ESRRG: variants seen among roughly 807,000 people sequenced by gnomAD.
ESRRG encodes the protein estrogen-related receptor gamma.
In ESRRG, 13 loss-of-function variants were observed where a neutral mutation model predicts 44.0. The ratio of observed to expected loss-of-function variants is 0.30; its 90% CI spans 0.19 to 0.47. ESRRG has a LOEUF of 0.47. ESRRG is among the 20% of genes least tolerant of loss of function. The pLI is 1.00. For synonymous variants in ESRRG, 215 were observed against 214.6 expected, an observed-to-expected ratio of 1.00 and a Z score of -0.02; for missense variants, 395 against 580.6, an observed-to-expected ratio of 0.68 and a Z score of 3.29.
intron 2 of ESRRG, among the ~76,000 whole-genome samples, chr1:216,676,489 G>A (rs1273459875): frequency 6.6e-6 from 1 of 152,080 alleles, no homozygotes; most frequent in Non-Finnish European, 1.5e-5. Context: ...AATTAAATTT[G>A]TCTAGAGCAG....
chr1:216,960,607 G>C (rs1042858409), intron 1 of ESRRG, among the ~76,000 whole-genome samples: 3 of 106,724 alleles, frequency 2.8e-5, no homozygotes, highest in Non-Finnish European at 6.9e-5. Flanking sequence ...TGTTTGTGGA[G>C]ACAGAGTCTC....
rs544353810 is a variant in ESRRG, at chr1:216,745,302, G to A, written c.-13-67811C>T. On this transcript the variant is annotated intron_variant, in intron 2 of 7. Transcript: ENST00000359162. ...AGCCTCCTAAATAGTTGGGACAACAGGCACACACCATCATGCACACCTATG... is the reference window on the plus strand; with the variant it reads ...AGCCTCCTAAATAGTTGGGACAACAAGCACACACCATCATGCACACCTATG... Among the ~76,000 whole-genome samples, 36 of 152,130 alleles carry A rather than the reference G, an allele frequency of 2.4e-4. 1 individual carries two copies. Among genetic ancestry groups the A allele is most frequent in the African/African-American group, 8.7e-4 (36 of 41,462 alleles).
chr1:216,833,189 ACCGTTCTGCAAGG>A (rs2095513348), intron 2 of ESRRG, among the ~76,000 whole-genome samples: 1 of 151,206 alleles, frequency 6.6e-6, no homozygotes, highest in Admixed American at 6.6e-5. Flanking sequence ...CTATGGATTG[ACCGTTCTGCAAGG>A]AAAATTGCAT....
chr1:217,104,157 C>G (rs930573902), intron 1 of ESRRG, among the ~76,000 whole-genome samples: 1 of 152,132 alleles, frequency 6.6e-6, no homozygotes, highest in African/African-American at 2.4e-5. Flanking sequence ...GTTCTTCCAC[C>G]TTTTACTAAA....
intron 2 of ESRRG, among the ~76,000 whole-genome samples, chr1:216,662,929 A>G (rs2151261043): frequency 6.6e-6 from 1 of 152,356 alleles, no homozygotes; most frequent in East Asian, 1.9e-4. Context: ...TGGTTTAGCC[A>G]TCTCTTGTCT....
chr1:216,540,231 C>T (rs1489768633), intron 5 of ESRRG, among the ~76,000 whole-genome samples: 2 of 151,938 alleles, frequency 1.3e-5, no homozygotes, highest in Non-Finnish European at 2.9e-5. Flanking sequence ...AGCCAATAGA[C>T]TCAGAAATTC....
At chr1:216,824,040 T>A (rs1034611212) in intron 2 of ESRRG, among the ~76,000 whole-genome samples, 2 of 152,150 alleles carry the variant, frequency 1.3e-5, no homozygotes, top group African/African-American at 4.8e-5. Flanking sequence ...TCACCAGTAA[T>A]GATGAAGCAA....
At chr1:216,938,654 C>T (rs1212864284) in intron 2 of ESRRG, among the ~76,000 whole-genome samples, 1 of 152,190 alleles carries the variant, frequency 6.6e-6, no homozygotes, top group African/African-American at 2.4e-5. Context: ...AAAGGGTTCA[C>T]TAGCAAGTAC....
intron 3 of ESRRG, among the ~76,000 whole-genome samples, chr1:216,633,233 G>A (rs1461163713): frequency 5.9e-5 from 9 of 152,182 alleles, no homozygotes; most frequent in Admixed American, 5.9e-4. Context: ...CCTGACAGGT[G>A]GATGATTTAT....
At chr1:216,952,692 G>A (rs11572472) in intron 1 of ESRRG, among the ~76,000 whole-genome samples, 54,372 of 151,918 alleles carry the variant, frequency 0.36, 11,520 homozygotes, top group Non-Finnish European at 0.48. Context: ...AAAAATACAT[G>A]CATAACAAAG....
chr1:216,933,216 T>C (rs1275823875), intron 2 of ESRRG, among the ~76,000 whole-genome samples: 1 of 152,104 alleles, frequency 6.6e-6, no homozygotes, highest in African/African-American at 2.4e-5. Flanking sequence ...ATTGACAATA[T>C]ATGCTAATTA....
At chr1:217,063,725 T>C (rs2089053200) in intron 1 of ESRRG, among the ~76,000 whole-genome samples, 1 of 152,192 alleles carries the variant, frequency 6.6e-6, no homozygotes, top group Non-Finnish European at 1.5e-5. Flanking sequence ...AACTCTGGAA[T>C]ACATCAGAAT....
intron 2 of ESRRG, among the ~76,000 whole-genome samples, chr1:216,903,707 G>C (rs1470137464): frequency 6.6e-6 from 1 of 151,944 alleles, no homozygotes; most frequent in Non-Finnish European, 1.5e-5. Context: ...AGTAAGAAGT[G>C]CCTTGGGGAA....
upstream of ESRRG, among the ~76,000 whole-genome samples, chr1:216,724,592 A>C (rs940419906): frequency 6.6e-6 from 1 of 152,142 alleles, no homozygotes; most frequent in Admixed American, 6.5e-5. Context: ...TTTATAAACC[A>C]TCACACAGTC....
At chr1:216,929,670 G>A (rs1338614090) in intron 2 of ESRRG, among the ~76,000 whole-genome samples, 1 of 152,148 alleles carries the variant, frequency 6.6e-6, no homozygotes, top group Non-Finnish European at 1.5e-5. Context: ...AGGAGTTTAG[G>A]AAAGCAGAGA....
intron 5 of ESRRG, among the ~76,000 whole-genome samples, chr1:216,538,447 C>A (rs1237405529): frequency 1.3e-5 from 2 of 151,988 alleles, no homozygotes; most frequent in Non-Finnish European, 2.9e-5. Context: ...CCTATCTCCC[C>A]ACCCCACTAC....
At chr1:216,508,469 G>T (rs1394855673) in intron 6 of ESRRG, among the ~76,000 whole-genome samples, 2 of 152,100 alleles carry the variant, frequency 1.3e-5, no homozygotes, top group African/African-American at 2.4e-5. Context: ...CTCAATTTCT[G>T]CCTGGCAGAG....
upstream of ESRRG, among the ~76,000 whole-genome samples, chr1:216,726,166 G>A (rs1317696448): frequency 6.6e-6 from 1 of 152,066 alleles, no homozygotes; most frequent in Non-Finnish European, 1.5e-5. Context: ...TTTCATCTAC[G>A]CAAGGTGCAG....
At chr1:216,854,944 C>T (rs905928592) in intron 2 of ESRRG, 1 of 152,086 alleles carries the variant, frequency 6.6e-6, no homozygotes, top group African/African-American at 2.4e-5. Flanking sequence ...AATTTTTGCT[C>T]ACGTTTGGTT....
Sources: allele counts gnomAD v4.1 joint callset (sites outside exome capture counted in the v4.1 genomes callset), GRCh38; gene constraint gnomAD v4.1.1; transcripts MANE v1.5; gene names NCBI Gene and HGNC (gene_info 2026-07-23, HGNC 2026-07-21).